EPHA3: variants seen among roughly 807,000 people sequenced by gnomAD.
EPHA3 encodes the protein ephrin type-A receptor 3.
In EPHA3, 42 loss-of-function variants were observed where a neutral mutation model predicts 107.1. That is an observed-to-expected ratio of 0.39 (90% confidence interval 0.31 to 0.51). The LOEUF (loss-of-function observed/expected upper bound fraction) is 0.51. Ranked by LOEUF, EPHA3 falls within the 20% of genes least tolerant of loss-of-function variation. The pLI, the probability that EPHA3 is intolerant of heterozygous loss-of-function variation, is 0.78. For missense variants in EPHA3, 1,183 were observed against 1,211.2 expected (o/e 0.98, Z 0.35); for synonymous variants, 461 against 424.8 (o/e 1.09, Z -1.05).
chr3:89,121,055 C>G (rs781763125), intron 1 of EPHA3, among the ~76,000 whole-genome samples: 1 of 151,706 alleles, frequency 6.6e-6, no homozygotes, highest in African/African-American at 2.4e-5. Flanking sequence ...CTGACTAACG[C>G]GGTGAAACCC....
chr3:89,475,985 T>C (rs1296117091), intron 16 of EPHA3, among the ~76,000 whole-genome samples: 1 of 152,008 alleles, frequency 6.6e-6, no homozygotes, highest in African/African-American at 2.4e-5. Flanking sequence ...AGAGGGTGTT[T>C]AAAAGCCCTA....
Position 89,472,556 on chromosome 3 carries a change from G to A in EPHA3, c.2783G>A (p.Cys928Tyr). 6.2e-7 allele frequency: 1 copy of A among 1,614,064 alleles called. No homozygotes were observed. The highest frequency in any genetic ancestry group is 8.5e-7 in the Non-Finnish European group (1 of 1,180,002). ...CTTAATGGTGTCTGGACAGCACACT[G>A]CAAGGAAATCTTCACGGGTGTGGAG... ...DWLNGVWTAH[C>Y]KEIFTGVEYS... Residue 928 changes from cysteine to tyrosine, a missense_variant, in exon 16 of 17, where the codon TGC (cysteine) becomes TAC (tyrosine). Cys to Tyr is a radical substitution (Grantham distance 194). Transcript: ENST00000336596.
At chr3:89,341,310 T>A (rs1366258464) in intron 4 of EPHA3, among the ~76,000 whole-genome samples, 2 of 152,140 alleles carry the variant, frequency 1.3e-5, no homozygotes, top group Non-Finnish European at 2.9e-5. Context: ...AGAGAGAACA[T>A]TTTCTGTGTC....
chr3:89,346,146 C>G (rs1317479103), intron 5 of EPHA3, among the ~76,000 whole-genome samples: 1 of 117,002 alleles, frequency 8.5e-6, no homozygotes, highest in African/African-American at 3.4e-5. Context: ...AATGGGATGG[C>G]TGGGTCAAAT....
chr3:89,181,351 T>C (rs1705438323), intron 2 of EPHA3, among the ~76,000 whole-genome samples: 1 of 151,956 alleles, frequency 6.6e-6, no homozygotes, highest in African/African-American at 2.4e-5. Context: ...TCTTCTAACT[T>C]CTACTGATTT....
chr3:89,297,294 G>T (rs1268952816), intron 3 of EPHA3, among the ~76,000 whole-genome samples: 1 of 152,036 alleles, frequency 6.6e-6, no homozygotes, highest in Admixed American at 6.6e-5. Context: ...TCTAGTTTTT[G>T]ATTTAAAGTA....
chr3:89,253,671 CTG>C (rs1312669193), intron 3 of EPHA3, among the ~76,000 whole-genome samples: 1 of 152,072 alleles, frequency 6.6e-6, no homozygotes, highest in Non-Finnish European at 1.5e-5. Context: ...ATTTTATTAA[CTG>C]TCATCTTCGT....
At chr3:89,374,814 A>T (rs1708372460) in intron 5 of EPHA3, among the ~76,000 whole-genome samples, 1 of 151,756 alleles carries the variant, frequency 6.6e-6, no homozygotes, top group Non-Finnish European at 1.5e-5. Flanking sequence ...ACATAACAGA[A>T]TAAAAAACTA....
chr3:89,405,058 T>C (rs527478147), intron 7 of EPHA3, among the ~76,000 whole-genome samples: 11 of 152,190 alleles, frequency 7.2e-5, no homozygotes, highest in East Asian at 3.9e-4. Flanking sequence ...ATAAGAGCTT[T>C]ATAGGAGAAA....
chr3:89,176,428 C>T (rs965866055), intron 2 of EPHA3, among the ~76,000 whole-genome samples: 8 of 146,158 alleles, frequency 5.5e-5, no homozygotes, highest in Non-Finnish European at 1.2e-4. Flanking sequence ...ACCCAGGAGG[C>T]AGAGGTTGCG....
intron 3 of EPHA3, among the ~76,000 whole-genome samples, chr3:89,321,820 T>A (rs1030188362): frequency 5.3e-5 from 8 of 152,146 alleles, no homozygotes; most frequent in African/African-American, 1.9e-4. Flanking sequence ...TAAAATAACA[T>A]TCTATAAATA....
rs779836309 is a variant in EPHA3 at position 89,449,224 on chromosome 3, G to A, written c.2347-1G>A. On this transcript the variant is annotated splice_acceptor_variant, in intron 13 of 16. Coordinates refer to ENST00000336596, the MANE Select transcript of EPHA3 (RefSeq NM_005233.6). LOFTEE classifies it high-confidence loss of function. ...ATGTAGACATGATTTTATATTCAAA[G>A]GGAGGGAAGATCCCAATCAGGTGGA... 6.2e-7 allele frequency: 1 copy of A among 1,600,838 alleles called. No homozygotes were observed. Among genetic ancestry groups the A allele is most frequent in the Non-Finnish European group, 8.5e-7 (1 of 1,170,954 alleles).
chr3:89,192,680 T>C (rs1705748229), intron 2 of EPHA3, among the ~76,000 whole-genome samples: 1 of 152,084 alleles, frequency 6.6e-6, no homozygotes, highest in African/African-American at 2.4e-5. Flanking sequence ...CTTAATTTCA[T>C]GGTATTGACT....
chr3:89,226,191 G>T (rs1490702093), intron 3 of EPHA3, among the ~76,000 whole-genome samples: 2 of 152,084 alleles, frequency 1.3e-5, no homozygotes, highest in Non-Finnish European at 2.9e-5. Context: ...TATTTGCTAT[G>T]GGACTGTGGA....
rs1441175273 is a variant in EPHA3, at chr3:89,361,209, T to G, written c.1306+19119T>G. ...GCCCAAGGTACAGAGAAGGCCTTCT[T>G]GTATCCTTTGCCTTTCTTTGGAAAT... On this transcript the variant is annotated intron_variant, in intron 5 of 16. Transcript: ENST00000336596. Among the ~76,000 whole-genome samples the G allele has an allele frequency of 2.6e-5, 4 of 151,032 alleles. 1 individual carries two copies. The highest frequency in any genetic ancestry group is 5.9e-5 in the Non-Finnish European group (4 of 67,452).
At chr3:89,182,060 G>A (rs1301846070) in intron 2 of EPHA3, among the ~76,000 whole-genome samples, 1 of 149,508 alleles carries the variant, frequency 6.7e-6, no homozygotes, top group Non-Finnish European at 1.5e-5. Context: ...CCTCTTATTT[G>A]ATGACCATAC....
At chr3:89,384,593 TA>T (rs886842744) in intron 5 of EPHA3, among the ~76,000 whole-genome samples, 2 of 152,202 alleles carry the variant, frequency 1.3e-5, no homozygotes, top group African/African-American at 4.8e-5. Context: ...TATTGCCTTT[TA>T]AAAATTCACA....
intron 2 of EPHA3, among the ~76,000 whole-genome samples, chr3:89,148,708 T>C (rs1371200718): frequency 6.6e-6 from 1 of 151,970 alleles, no homozygotes; most frequent in East Asian, 1.9e-4. Flanking sequence ...TCTTACATTG[T>C]TTTCCAGCAT....
chr3:89,415,467 A>AATATATATAT (rs71621548), intron 10 of EPHA3, among the ~76,000 whole-genome samples: 3,070 of 131,456 alleles, frequency 0.023, 65 homozygotes, highest in African/African-American at 0.048. Flanking sequence ...TTACAGAAAG[A>AATATATATAT]ATATATATAT....
Sources: allele counts gnomAD v4.1 joint callset (sites outside exome capture counted in the v4.1 genomes callset), GRCh38; gene constraint gnomAD v4.1.1; transcripts MANE v1.5; gene names NCBI Gene and HGNC (gene_info 2026-07-23, HGNC 2026-07-21).